Variants in AS3MT observed in about 807,000 individuals in gnomAD.
The protein encoded by AS3MT is S-adenosyl-L-methionine:arsenic(III) methyltransferase.
In AS3MT, 47 loss-of-function variants were observed where a neutral mutation model predicts 45.3. That is an observed-to-expected ratio of 1.04 (90% CI 0.82 to 1.32). The LOEUF (loss-of-function observed/expected upper bound fraction) is 1.32. Ranked by LOEUF, AS3MT falls within the 40% of genes most tolerant of loss-of-function variation. The pLI is 0.00. For synonymous variants in AS3MT, 141 were observed against 152.8 expected (o/e 0.92, Z 0.57); for missense variants, 396 against 451.1 (o/e 0.88, Z 1.11).
At chr10:102,884,182 G>A (rs1020808814) in intron 9 of AS3MT, among the ~76,000 whole-genome samples, 2 of 151,912 alleles carry the variant, frequency 1.3e-5, no homozygotes, top group African/African-American at 2.4e-5. Flanking sequence ...GTTTCACCAT[G>A]TTGGCCAGGC....
intron 10 of AS3MT, among the ~76,000 whole-genome samples, chr10:102,897,172 C>T (rs1845187405): frequency 6.6e-6 from 1 of 151,968 alleles, no homozygotes; most frequent in Admixed American, 6.6e-5. Context: ...ATCACGAGGT[C>T]AGGAGATCGA....
chr10:102,900,351 G>T (rs1043303027), intron 10 of AS3MT, among the ~76,000 whole-genome samples: 1 of 152,198 alleles, frequency 6.6e-6, no homozygotes, highest in South Asian at 2.1e-4. Flanking sequence ...TCAATGCTCT[G>T]CCCAAGAGGG....
At chr10:102,891,067 G>A (rs1306384655) in intron 10 of AS3MT, among the ~76,000 whole-genome samples, 1 of 152,086 alleles carries the variant, frequency 6.6e-6, no homozygotes, top group East Asian at 1.9e-4. Flanking sequence ...GTTGTTAGAC[G>A]GTTATATACC....
At chr10:102,894,842 A>T (rs1477293740) in intron 10 of AS3MT, among the ~76,000 whole-genome samples, 1 of 152,216 alleles carries the variant, frequency 6.6e-6, no homozygotes, top group African/African-American at 2.4e-5. Flanking sequence ...AAATCTTTGA[A>T]TCTGCCTGTG....
intron 10 of AS3MT, among the ~76,000 whole-genome samples, chr10:102,891,369 A>G (rs943580683): frequency 6.6e-5 from 10 of 152,198 alleles, no homozygotes; most frequent in African/African-American, 2.4e-4. Flanking sequence ...AAGTTCTCCA[A>G]AATTCAGAGA....
At chr10:102,891,521 T>G (rs1431412475) in intron 10 of AS3MT, among the ~76,000 whole-genome samples, 1 of 152,200 alleles carries the variant, frequency 6.6e-6, no homozygotes, top group African/African-American at 2.4e-5. Context: ...TAGGTAAAGT[T>G]CCAGCAAAGC....
intron 10 of AS3MT, among the ~76,000 whole-genome samples, chr10:102,894,676 A>G (rs781388249): frequency 6.6e-6 from 1 of 152,202 alleles, no homozygotes; most frequent in Non-Finnish European, 1.5e-5. Context: ...AAATCTGGTA[A>G]GAAACATTTA....
chr10:102,900,460 C>T (rs1035654264), intron 10 of AS3MT, 133 bp from the exon 11 acceptor site: 2 of 619,854 alleles, frequency 3.2e-6, no homozygotes, highest in Non-Finnish European at 5.8e-6. Context: ...GATGTTACTC[C>T]CAGGATCTCA....
rs141152231 is a variant in AS3MT, at chr10:102,892,539, C to G, written c.1020+1861C>G. ...ATGTGTGTGGCACCTTTTCATCCAT[C>G]CCAATCATAAAGAATTTCCTGCTTC... is the stretch of plus-strand genomic sequence containing the variant. On this transcript the variant is annotated intron_variant, in intron 10 of 10. Coordinates refer to ENST00000369880, the MANE Select transcript of AS3MT (RefSeq NM_020682.4). 3.4e-4 allele frequency among the ~76,000 whole-genome samples: 51 copies of G among 152,154 alleles called. No individual in the cohort carries two copies. In the East Asian group the frequency reaches 9.5e-3, roughly 28 times the overall value.
intron 10 of AS3MT, among the ~76,000 whole-genome samples, chr10:102,895,446 C>T (rs1368069687): frequency 1.3e-5 from 2 of 152,116 alleles, no homozygotes; most frequent in African/African-American, 4.8e-5. Context: ...GATGATCCAC[C>T]AGCCTCGGCC....
In AS3MT at chr10:102,876,944, T is replaced by G. The variant is rs17883232; in HGVS notation, c.529-10T>G. ...ATCATCTTGTTTGGACTAATATGCC[T>G]CTGTTTCAGCATGGTGGGGAGTTAT... is the stretch of plus-strand genomic sequence containing the variant. On this transcript the variant is annotated splice_polypyrimidine_tract_variant and intron_variant, in intron 6 of 10. Transcript: ENST00000369880. 454 of 1,613,808 alleles carry G rather than the reference T, an allele frequency of 2.8e-4. 1 individual carries two copies. In the African/African-American group the frequency reaches 4.3e-3, roughly 15 times the overall value.
At chr10:102,891,971 A>G (rs1020901354) in intron 10 of AS3MT, among the ~76,000 whole-genome samples, 3 of 151,008 alleles carry the variant, frequency 2.0e-5, no homozygotes, top group Non-Finnish European at 3.0e-5. Flanking sequence ...AAAAAAAAAA[A>G]AAAGAAAGAA....
Position 102,869,800 on chromosome 10 carries a change from G to T in AS3MT, c.2-5G>T, listed in dbSNP as rs774417061. On this transcript the variant is annotated splice_polypyrimidine_tract_variant and splice_region_variant and intron_variant, in intron 1 of 10. Transcript: ENST00000369880. ...CCTTTCAACTAACTTTCCCGCTCCC[G>T]ACAGTGGCTGCACTTCGTGACGCTG... 2 of 1,614,082 alleles carry T rather than the reference G, an allele frequency of 1.2e-6. No individual in the cohort carries two copies. Among genetic ancestry groups the T allele is most frequent in the Admixed American group, 1.7e-5 (1 of 60,020 alleles).
intron 9 of AS3MT, among the ~76,000 whole-genome samples, chr10:102,884,797 T>C (rs997566323): frequency 3.3e-5 from 5 of 152,114 alleles, no homozygotes; most frequent in Admixed American, 2.0e-4. Context: ...TCTGCCTGCA[T>C]TGGCCTCCAA....
chr10:102,876,526 C>T (rs888361531), intron 6 of AS3MT, among the ~76,000 whole-genome samples: 1 of 152,152 alleles, frequency 6.6e-6, no homozygotes, highest in Non-Finnish European at 1.5e-5. Context: ...AAGCCTCCCA[C>T]TTCGGCCTCC....
chr10:102,882,718 G>T (rs1392529400), intron 9 of AS3MT, among the ~76,000 whole-genome samples: 1 of 151,906 alleles, frequency 6.6e-6, no homozygotes, highest in Non-Finnish European at 1.5e-5. Context: ...AGCCTCTCGA[G>T]TAGCAGGGAT....
chr10:102,876,485 C>T (rs1844786905), intron 6 of AS3MT, among the ~76,000 whole-genome samples: 1 of 151,952 alleles, frequency 6.6e-6, no homozygotes, highest in African/African-American at 2.4e-5. Flanking sequence ...GCTGTGTTGC[C>T]AAGGCTAGTC....
chr10:102,887,094 A>G (rs1282497393), intron 9 of AS3MT, among the ~76,000 whole-genome samples: 1 of 152,140 alleles, frequency 6.6e-6, no homozygotes, highest in East Asian at 1.9e-4. Flanking sequence ...CCCATTGGCT[A>G]TTCAGGAGCA....
intron 7 of AS3MT, among the ~76,000 whole-genome samples, chr10:102,877,323 A>T (rs1219047538): frequency 1.3e-5 from 2 of 151,804 alleles, no homozygotes; most frequent in Non-Finnish European, 2.9e-5. Flanking sequence ...TACTTTGAAA[A>T]CTCTAGTGTG....
Sources: allele counts gnomAD v4.1 joint callset (sites outside exome capture counted in the v4.1 genomes callset), GRCh38; gene constraint gnomAD v4.1.1; transcripts MANE v1.5; gene names NCBI Gene and HGNC (gene_info 2026-07-23, HGNC 2026-07-21).